GRID2: variants seen among roughly 807,000 people sequenced by gnomAD.
The protein encoded by GRID2 is glutamate ionotropic receptor delta type subunit 2, also known as glutamate receptor ionotropic, delta-2.
In GRID2, 33 loss-of-function variants were observed where a neutral mutation model predicts 114.8. The observed-to-expected ratio is 0.29, with a 90% CI of 0.22 to 0.38. The LOEUF (loss-of-function observed/expected upper bound fraction) is 0.38. GRID2 is among the 10% of genes least tolerant of loss of function. The pLI is 1.00. For missense variants in GRID2, 1,184 were observed against 1,257.7 expected, an observed-to-expected ratio of 0.94 and a Z score of 0.89; for synonymous variants, 505 against 449.9, an observed-to-expected ratio of 1.12 and a Z score of -1.55.
At chr4:93,808,526 C>G (rs1735074540) in exon 2 of GRID2, 1 of 152,192 alleles carries the variant, frequency 6.6e-6, no homozygotes, top group Non-Finnish European at 1.5e-5. Flanking sequence ...GTTCCTACCT[C>G]TCACCCTTAC....
At chr4:93,321,490 G>A (rs1458629105) in intron 8 of GRID2, among the ~76,000 whole-genome samples, 3 of 151,968 alleles carry the variant, frequency 2.0e-5, no homozygotes, top group Non-Finnish European at 2.9e-5. Context: ...GTGTACAATC[G>A]TTGATAAGTA....
chr4:93,296,895 C>T (rs568918114), intron 8 of GRID2, among the ~76,000 whole-genome samples: 27 of 152,296 alleles, frequency 1.8e-4, no homozygotes, highest in African/African-American at 5.8e-4. Context: ...GTTTGACTTA[C>T]AAGTCAAATC....
intron 13 of GRID2, among the ~76,000 whole-genome samples, chr4:93,517,921 T>C (rs1729891819): frequency 7.7e-6 from 1 of 129,092 alleles, no homozygotes; most frequent in African/African-American, 2.7e-5. Context: ...TGTGTATGTA[T>C]ATACTATATA....
intron 12 of GRID2, among the ~76,000 whole-genome samples, chr4:93,491,052 T>G (rs1451106535): frequency 1.3e-5 from 2 of 151,922 alleles, no homozygotes. Flanking sequence ...AGAATTTTAG[T>G]GTCCACAAAG....
At chr4:93,173,332 G>A (rs901634133) in intron 4 of GRID2, among the ~76,000 whole-genome samples, 3 of 151,988 alleles carry the variant, frequency 2.0e-5, no homozygotes, top group Non-Finnish European at 4.4e-5. Context: ...GAGCATATTA[G>A]TGCTATAATA....
chr4:92,597,272 C>A (rs766192543), intron 2 of GRID2, among the ~76,000 whole-genome samples: 11 of 152,112 alleles, frequency 7.2e-5, no homozygotes, highest in African/African-American at 2.2e-4. Context: ...AATGAAGATA[C>A]AAATTGCATA....
chr4:92,658,435 C>A (rs988691507), intron 2 of GRID2, among the ~76,000 whole-genome samples: 9 of 151,716 alleles, frequency 5.9e-5, no homozygotes, highest in African/African-American at 2.2e-4. Context: ...AAGGATTGCA[C>A]AGGGAATTAG....
chr4:92,842,313 C>G (rs867505137), intron 2 of GRID2, among the ~76,000 whole-genome samples: 11 of 152,034 alleles, frequency 7.2e-5, no homozygotes, highest in South Asian at 6.2e-4. Flanking sequence ...AGACGGCATG[C>G]CTGCAATGCT....
chr4:93,316,985 G>A (rs1448179464), intron 8 of GRID2, among the ~76,000 whole-genome samples: 1 of 152,076 alleles, frequency 6.6e-6, no homozygotes, highest in African/African-American at 2.4e-5. Context: ...CCATAACTAA[G>A]AAGGGATTTA....
intron 1 of GRID2, among the ~76,000 whole-genome samples, chr4:93,781,570 C>T (rs1734479926): frequency 2.0e-5 from 3 of 152,204 alleles, no homozygotes; most frequent in South Asian, 2.1e-4. Context: ...CAGGACCCCC[C>T]TCAGATACCA....
intron 2 of GRID2, among the ~76,000 whole-genome samples, chr4:92,702,008 T>C: frequency 6.6e-6 from 1 of 152,100 alleles, no homozygotes; most frequent in Non-Finnish European, 1.5e-5. Flanking sequence ...ATATTGACAA[T>C]AGGGTTTACA....
chr4:93,427,102 C>G (rs1307726039), intron 10 of GRID2, among the ~76,000 whole-genome samples: 1 of 151,982 alleles, frequency 6.6e-6, no homozygotes, highest in Non-Finnish European at 1.5e-5. Context: ...ACAACATTCC[C>G]TTAACTGTAT....
At chr4:93,271,989 T>C (rs1418260037) in intron 8 of GRID2, among the ~76,000 whole-genome samples, 2 of 152,140 alleles carry the variant, frequency 1.3e-5, no homozygotes, top group Non-Finnish European at 2.9e-5. Context: ...AACCTGAAGA[T>C]TAAGGGTAAT....
intron 2 of GRID2, among the ~76,000 whole-genome samples, chr4:92,716,283 T>A (rs12651297): frequency 0.09 from 13,686 of 152,248 alleles, 758 homozygotes; most frequent in Middle Eastern, 0.21. Flanking sequence ...GCAAAGACTT[T>A]CATTTTTTAG....
At chr4:92,474,232 T>A (rs1722184205) in intron 1 of GRID2, among the ~76,000 whole-genome samples, 1 of 152,066 alleles carries the variant, frequency 6.6e-6, no homozygotes, top group African/African-American at 2.4e-5. Flanking sequence ...TGAATTTGGA[T>A]TTTTTAGATT....
chr4:92,667,504 T>A (rs1412802446), intron 2 of GRID2, among the ~76,000 whole-genome samples: 2 of 151,792 alleles, frequency 1.3e-5, no homozygotes, highest in Non-Finnish European at 3.0e-5. Context: ...AATGACTACA[T>A]TTACTATTTT....
At chr4:93,678,576 C>G (rs1264517345) in intron 14 of GRID2, among the ~76,000 whole-genome samples, 2 of 152,144 alleles carry the variant, frequency 1.3e-5, no homozygotes, top group Non-Finnish European at 2.9e-5. Flanking sequence ...AACAGCAGAT[C>G]TCTCAGCAGA....
intron 1 of GRID2, among the ~76,000 whole-genome samples, chr4:92,400,889 A>G (rs962413506): frequency 1.3e-5 from 2 of 152,136 alleles, no homozygotes; most frequent in South Asian, 2.1e-4. Flanking sequence ...GGCCACTTGT[A>G]TATCTTTCTT....
At chr4:92,873,757 C>G (rs1219234253) in intron 2 of GRID2, among the ~76,000 whole-genome samples, 1 of 152,040 alleles carries the variant, frequency 6.6e-6, no homozygotes. Context: ...TTTTGTTGCC[C>G]AGGCTGGAGT....
Sources: allele counts gnomAD v4.1 joint callset (sites outside exome capture counted in the v4.1 genomes callset), GRCh38; gene constraint gnomAD v4.1.1; transcripts MANE v1.5; gene names NCBI Gene and HGNC (gene_info 2026-07-23, HGNC 2026-07-21).